The following CDH18 variants were observed in gnomAD, a reference collection of about 807,000 sequenced individuals.
CDH18 encodes cadherin-18.
In CDH18, 31 loss-of-function variants were observed where a neutral mutation model predicts 67.9. That is an observed-to-expected ratio of 0.46 (90% CI 0.34 to 0.62). The LOEUF (loss-of-function observed/expected upper bound fraction) is 0.62. Among genes scored for constraint, CDH18 ranks in the 20% least tolerant of loss-of-function variants. The pLI is 0.01. For missense variants in CDH18, 890 were observed against 975.5 expected (o/e 0.91, Z 1.17); for synonymous variants, 362 against 347.2 (o/e 1.04, Z -0.48).
intron 2 of CDH18, among the ~76,000 whole-genome samples, chr5:20,024,795 A>G (rs1035695072): frequency 6.6e-6 from 1 of 152,186 alleles, no homozygotes; most frequent in African/African-American, 2.4e-5. Flanking sequence ...TCTCGGGGAT[A>G]AACCAAAACA....
chr5:19,791,552 C>T (rs1776363335), intron 3 of CDH18, among the ~76,000 whole-genome samples: 1 of 152,106 alleles, frequency 6.6e-6, no homozygotes, highest in African/African-American at 2.4e-5. Context: ...TTTCTCATCA[C>T]TTGTAACTGG....
chr5:20,198,109 G>C (rs1017103084), intron 2 of CDH18, among the ~76,000 whole-genome samples: 2 of 152,122 alleles, frequency 1.3e-5, no homozygotes, highest in Non-Finnish European at 2.9e-5. Context: ...AATCAATTGA[G>C]TAATTTCTTC....
chr5:19,830,085 C>T (rs1780847563), intron 3 of CDH18, among the ~76,000 whole-genome samples: 1 of 152,052 alleles, frequency 6.6e-6, no homozygotes, highest in African/African-American at 2.4e-5. Flanking sequence ...GCTATAAAAA[C>T]CCTGGAAGAT....
At chr5:19,659,783 T>C (rs1453100930) in intron 5 of CDH18, among the ~76,000 whole-genome samples, 2 of 152,106 alleles carry the variant, frequency 1.3e-5, no homozygotes. Context: ...GCACTCACCA[T>C]ATACTTCACC....
intron 2 of CDH18, among the ~76,000 whole-genome samples, chr5:20,195,536 G>A (rs1378754643): frequency 6.6e-6 from 1 of 151,806 alleles, no homozygotes; most frequent in Non-Finnish European, 1.5e-5. Context: ...TACAATTGAT[G>A]GTAGAATTAT....
At chr5:20,412,950 T>C (rs1170774767) in intron 1 of CDH18, among the ~76,000 whole-genome samples, 1 of 152,234 alleles carries the variant, frequency 6.6e-6, no homozygotes, top group Non-Finnish European at 1.5e-5. Context: ...CTCCTAATGC[T>C]ATCCCTCCCC....
chr5:20,311,304 C>G (rs1736969313), intron 1 of CDH18, among the ~76,000 whole-genome samples: 1 of 151,900 alleles, frequency 6.6e-6, no homozygotes, highest in Non-Finnish European at 1.5e-5. Flanking sequence ...GGGTATATAC[C>G]CAAAGGATTA....
chr5:19,566,901 T>C (rs62349516), intron 8 of CDH18, among the ~76,000 whole-genome samples: 13,144 of 152,202 alleles, frequency 0.086, 654 homozygotes, highest in African/African-American at 0.12. Context: ...AATTCAGCCA[T>C]AAAATAGAAT....
intron 1 of CDH18, among the ~76,000 whole-genome samples, chr5:20,355,132 T>G (rs1040154320): frequency 6.6e-6 from 1 of 152,226 alleles, no homozygotes; most frequent in African/African-American, 2.4e-5. Flanking sequence ...TCCTTTCCCC[T>G]TTCTCTTAAC....
At chr5:20,181,082 G>A (rs930405858) in intron 2 of CDH18, among the ~76,000 whole-genome samples, 5 of 151,976 alleles carry the variant, frequency 3.3e-5, no homozygotes, top group African/African-American at 9.7e-5. Context: ...ATTCCACAAG[G>A]TGCACACTTC....
intron 1 of CDH18, among the ~76,000 whole-genome samples, chr5:20,429,158 C>T (rs1408201010): frequency 6.6e-6 from 1 of 151,884 alleles, no homozygotes; most frequent in Non-Finnish European, 1.5e-5. Flanking sequence ...TAGCTCATCC[C>T]AGTTTCCATT....
intron 1 of CDH18, among the ~76,000 whole-genome samples, chr5:20,371,012 G>A (rs1742951226): frequency 6.7e-6 from 1 of 150,170 alleles, no homozygotes; most frequent in African/African-American, 2.5e-5. Context: ...ACTCCACCCT[G>A]GGCGACAGGG....
intron 2 of CDH18, among the ~76,000 whole-genome samples, chr5:19,960,549 GTGTGTGTGTGTA>G (rs1796691406): frequency 1.0e-5 from 1 of 96,994 alleles, no homozygotes; most frequent in South Asian, 3.3e-4. Context: ...TAATATACGT[GTGTGTGTGTGTA>G]TGTGTGTGTG....
At chr5:20,178,196 C>T (rs1376680770) in intron 2 of CDH18, among the ~76,000 whole-genome samples, 1 of 152,070 alleles carries the variant, frequency 6.6e-6, no homozygotes, top group Non-Finnish European at 1.5e-5. Context: ...TCTCGGAGCT[C>T]AAGACTACTG....
chr5:19,740,629 G>A (rs1561194315), intron 4 of CDH18, among the ~76,000 whole-genome samples: 2 of 152,046 alleles, frequency 1.3e-5, no homozygotes, highest in African/African-American at 4.8e-5. Flanking sequence ...AGTGAGTTAT[G>A]ATGTGCTTTT....
intron 2 of CDH18, among the ~76,000 whole-genome samples, chr5:19,961,343 G>A (rs981331519): frequency 1.2e-4 from 18 of 151,716 alleles, no homozygotes; most frequent in African/African-American, 4.1e-4. Flanking sequence ...TCCTGACCTC[G>A]TGATCCACCC....
chr5:20,000,063 C>G (rs1435068409), intron 2 of CDH18, among the ~76,000 whole-genome samples: 1 of 151,942 alleles, frequency 6.6e-6, no homozygotes, highest in Non-Finnish European at 1.5e-5. Flanking sequence ...GCAGTGAGAC[C>G]AAACTATATG....
At chr5:19,524,784 C>T (rs1240901666) in intron 9 of CDH18, among the ~76,000 whole-genome samples, 4 of 152,062 alleles carry the variant, frequency 2.6e-5, no homozygotes, top group Admixed American at 1.3e-4. Flanking sequence ...CTCGCTCTGT[C>T]GCCCAGGCTG....
intron 10 of CDH18, among the ~76,000 whole-genome samples, chr5:19,517,384 T>G (rs1318400838): frequency 2.9e-5 from 3 of 102,934 alleles, no homozygotes; most frequent in African/African-American, 4.9e-5. Context: ...AAGTCTGTAG[T>G]TTGTCTTTTT....
Sources: gnomAD v4.1 joint callset for allele counts (sites outside exome capture counted in the v4.1 genomes callset) on GRCh38, gnomAD v4.1.1 for gene constraint, MANE v1.5 for transcripts, NCBI Gene and HGNC (gene_info 2026-07-23, HGNC 2026-07-21) for gene names.